The following FARP1 variants were observed in gnomAD, a reference collection of about 807,000 sequenced individuals.
The protein encoded by FARP1 is FERM, ARHGEF and pleckstrin domain-containing protein 1.
A neutral mutation model predicts 128.8 loss-of-function variants in FARP1; 52 were observed. That is an observed-to-expected ratio of 0.40 (90% CI 0.32 to 0.51). FARP1 has a LOEUF of 0.51. Ranked by LOEUF, FARP1 falls within the 20% of genes least tolerant of loss-of-function variation. FARP1 has a pLI of 0.45. For missense variants in FARP1, 1,333 were observed against 1,367.9 expected, an observed-to-expected ratio of 0.97 and a Z score of 0.40; for synonymous variants, 580 against 551.8, an observed-to-expected ratio of 1.05 and a Z score of -0.72.
chr13:98,259,474 A>G (rs982639005), intron 2 of FARP1, among the ~76,000 whole-genome samples: 3 of 151,946 alleles, frequency 2.0e-5, no homozygotes, highest in African/African-American at 7.3e-5. Context: ...TACTGCTCAC[A>G]TGTCCCTGTG....
At chr13:98,400,213 C>G (rs1890705220) in intron 13 of FARP1, 1 of 152,208 alleles carries the variant, frequency 6.6e-6, no homozygotes, top group African/African-American at 2.4e-5. Context: ...TAGCACGAGC[C>G]TCTCAAAATT....
chr13:98,358,772 A>G (rs1322749798), intron 3 of FARP1, among the ~76,000 whole-genome samples: 1 of 151,810 alleles, frequency 6.6e-6, no homozygotes, highest in Non-Finnish European at 1.5e-5. Flanking sequence ...AGTAGTTGGG[A>G]CTACAGGCAC....
chr13:98,385,408 CA>C (rs1166262854), intron 7 of FARP1, among the ~76,000 whole-genome samples: 1 of 138,182 alleles, frequency 7.2e-6, no homozygotes, highest in African/African-American at 2.9e-5. Flanking sequence ...TTTGAGATTC[CA>C]AAAAAAACAA....
intron 6 of FARP1, among the ~76,000 whole-genome samples, chr13:98,378,163 C>T (rs759353349): frequency 1.3e-5 from 2 of 152,170 alleles, no homozygotes; most frequent in African/African-American, 4.8e-5. Context: ...AGGACTAGTA[C>T]GCAGTTGATA....
intron 2 of FARP1, among the ~76,000 whole-genome samples, chr13:98,221,165 C>A (rs1676303007): frequency 6.6e-6 from 1 of 152,164 alleles, no homozygotes; most frequent in South Asian, 2.1e-4. Flanking sequence ...CTAATGAGAT[C>A]TTCTGCAAAA....
chr13:98,334,612 C>T (rs997054809), intron 2 of FARP1, among the ~76,000 whole-genome samples: 1 of 152,098 alleles, frequency 6.6e-6, no homozygotes, highest in African/African-American at 2.4e-5. Context: ...GTGCTGTGGA[C>T]TAAATTGTAC....
At chr13:98,268,778 T>TTGTGTGTGTGTGTGTGTGTG (rs59132299) in intron 2 of FARP1, among the ~76,000 whole-genome samples, 5 of 148,184 alleles carry the variant, frequency 3.4e-5, no homozygotes, top group African/African-American at 1.0e-4. Flanking sequence ...TTTCCCTTCT[T>TTGTGTGTGTGTGTGTGTGTG]TGTGTGTGTG....
chr13:98,379,981 T>G (rs953763045), intron 6 of FARP1, among the ~76,000 whole-genome samples: 5 of 152,214 alleles, frequency 3.3e-5, no homozygotes, highest in Admixed American at 1.3e-4. Context: ...CCAAACAACA[T>G]GAAACTTTAA....
intron 5 of FARP1, among the ~76,000 whole-genome samples, chr13:98,368,529 G>T (rs895739313): frequency 2.6e-5 from 4 of 152,192 alleles, no homozygotes; most frequent in African/African-American, 9.7e-5. Context: ...TCAACTCAGA[G>T]TTTGTCTTTG....
chr13:98,202,539 C>G lies in FARP1; in HGVS notation c.-23-10681C>G, dbSNP rs563127248. On this transcript the variant is annotated intron_variant, in intron 1 of 26. Transcript: ENST00000319562. ...CTGGAAGAGGGGAAACAAACTCTTG[C>G]AAAAAGTTTCTCTTCATCTACCCGG... 9.9e-5 allele frequency among the ~76,000 whole-genome samples: 15 copies of G among 152,206 alleles called. No homozygotes were observed. In the South Asian group the frequency reaches 3.1e-3, roughly 32 times the overall value.
At chr13:98,244,830 G>A (rs774497402) in intron 2 of FARP1, 16 of 1,485,184 alleles carry the variant, frequency 1.1e-5, no homozygotes, top group Non-Finnish European at 1.2e-5. Flanking sequence ...TTTCTGCTGG[G>A]TAGGAGTAGA....
intron 17 of FARP1, among the ~76,000 whole-genome samples, chr13:98,425,913 A>C (rs1891769288): frequency 1.3e-5 from 2 of 152,200 alleles, no homozygotes; most frequent in Admixed American, 1.3e-4. Context: ...TTTTGAATAT[A>C]CCTGTACTCA....
chr13:98,171,306 C>G (rs901427334), intron 1 of FARP1, among the ~76,000 whole-genome samples: 2 of 152,128 alleles, frequency 1.3e-5, no homozygotes, highest in Admixed American at 1.3e-4. Context: ...GGAGAGGGTC[C>G]CTGGGTGCAA....
At position 98,411,785 on chromosome 13, in the gene FARP1, C is replaced by T. The variant is rs938875250; in HGVS notation, c.1693-116C>T. The T allele has an allele frequency of 9.8e-5, 110 of 1,118,740 alleles. 1 individual carries two copies. Among genetic ancestry groups the T allele is most frequent in the Non-Finnish European group, 1.3e-4 (102 of 773,910 alleles). 69.3% of individuals were successfully genotyped at this position (1,118,740 alleles called of 1,614,324 possible). On this transcript the variant is annotated intron_variant, in intron 15 of 26. Transcript: ENST00000319562. ...CGTGTTCCTGAAATGCCAAGAACCTCGCAGGAAAGCCCTGGCTCCTCCCAG... is the reference window on the plus strand; with the variant it reads ...CGTGTTCCTGAAATGCCAAGAACCTTGCAGGAAAGCCCTGGCTCCTCCCAG...
In FARP1 at chr13:98,440,659, C is replaced by T. The variant is rs1415384037; in HGVS notation, c.2630-11C>T. On this transcript the variant is annotated splice_polypyrimidine_tract_variant and intron_variant, in intron 23 of 26. Transcript: ENST00000319562. Reference sequence around the variant, plus strand: ...AAGATCAGAAGTGCTGCCTTTTGCCCCATCCTGTAGAGTCCCCTGATGAAG... The same window carrying T: ...AAGATCAGAAGTGCTGCCTTTTGCCTCATCCTGTAGAGTCCCCTGATGAAG... 1.2e-6 allele frequency: 2 copies of T among 1,601,794 alleles called. No individual in the cohort carries two copies. Among genetic ancestry groups the T allele is most frequent in the East Asian group, 2.2e-5 (1 of 44,682 alleles).
chr13:98,226,947 C>CT lies in FARP1; in HGVS notation c.171+13545dup, dbSNP rs762450246. Among the ~76,000 whole-genome samples the CT allele has an allele frequency of 3.2e-3, 466 of 147,768 alleles. 1 individual carries two copies. The highest frequency in any genetic ancestry group is 4.4e-3 in the Non-Finnish European group (293 of 66,512). ...TCATGTTGCATTTCTTTCTTTCTTT[C>CT]TTTTTTTTTTTGAGATGGAGTCTTG... On this transcript the variant is annotated intron_variant, in intron 2 of 26. Transcript: ENST00000319562.
rs181348884 is a variant in FARP1 at position 98,302,078 on chromosome 13, T to C, written c.172-41684T>C. ...CTCTGTACCCATTAACTTCCCTGCA[T>C]AGAAGTAGGAAGCAAAAAGGAACTT... On this transcript the variant is annotated intron_variant, in intron 2 of 26. Transcript: ENST00000319562. Among the ~76,000 whole-genome samples, 136 of 152,240 alleles carry C rather than the reference T, an allele frequency of 8.9e-4. 1 individual carries two copies. The highest frequency in any genetic ancestry group is 3.1e-3 in the African/African-American group (127 of 41,530).
At chr13:98,431,429 T>G in intron 18 of FARP1, 149 bp downstream of exon 18, 1 of 575,746 alleles carries the variant, frequency 1.7e-6, no homozygotes, top group Middle Eastern at 4.7e-4. Context: ...GCGCCGGTTT[T>G]TATTCCTGCT....
In FARP1 at chr13:98,157,724, G is replaced by A. The variant is rs140648769; in HGVS notation, c.-24+14232G>A. Among the ~76,000 whole-genome samples the A allele has an allele frequency of 4.7e-4, 72 of 152,308 alleles. No individual in the cohort carries two copies. In the East Asian group the frequency reaches 0.013, roughly 28 times the overall value. ...CACAGCTTATAATTGGCAGAGCAGA[G>A]ATAGAAGCTCAGGAAGTTTTTCCTC... is the stretch of plus-strand genomic sequence containing the variant. On this transcript the variant is annotated intron_variant, in intron 1 of 26. Coordinates refer to ENST00000319562, the MANE Select transcript of FARP1 (RefSeq NM_005766.4).
Sources: allele counts gnomAD v4.1 joint callset (sites outside exome capture counted in the v4.1 genomes callset), GRCh38; gene constraint gnomAD v4.1.1; transcripts MANE v1.5; gene names NCBI Gene and HGNC (gene_info 2026-07-23, HGNC 2026-07-21).